RBFOX3: variants seen among roughly 807,000 people sequenced by gnomAD.
The protein encoded by RBFOX3 is RNA binding protein fox-1 homolog 3.
A neutral mutation model predicts 48.7 loss-of-function variants in RBFOX3; 17 were observed. The ratio of observed to expected loss-of-function variants is 0.35; its 90% CI spans 0.24 to 0.52. The LOEUF is 0.52. Ranked by LOEUF, RBFOX3 falls within the 20% of genes least tolerant of loss-of-function variation. The pLI is 0.94. For missense variants in RBFOX3, 382 were observed against 497.5 expected, an observed-to-expected ratio of 0.77 and a Z score of 2.21; for synonymous variants, 212 against 209.5, an observed-to-expected ratio of 1.01 and a Z score of -0.10.
chr17:79,540,883 C>G (rs902543608), intron 1 of RBFOX3, among the ~76,000 whole-genome samples: 1 of 152,204 alleles, frequency 6.6e-6, no homozygotes, highest in Non-Finnish European at 1.5e-5. Context: ...CCGGACACTT[C>G]AGAGCATCTC....
chr17:79,235,728 CA>C (rs2147884805), intron 4 of RBFOX3, 37 bp downstream of exon 4: 1 of 153,854 alleles, frequency 6.5e-6, no homozygotes, highest in African/African-American at 2.4e-5. Context: ...TCATATCTGT[CA>C]AAAACTATTC....
chr17:79,107,438 T>C (rs2077594546), intron 5 of RBFOX3, among the ~76,000 whole-genome samples: 1 of 152,166 alleles, frequency 6.6e-6, no homozygotes, highest in African/African-American at 2.4e-5. Context: ...TCCCAAAGAC[T>C]TGGGTCTCAG....
chr17:79,503,018 A>G (rs1403062874), intron 1 of RBFOX3, among the ~76,000 whole-genome samples: 1 of 152,192 alleles, frequency 6.6e-6, no homozygotes, highest in African/African-American at 2.4e-5. Context: ...GGAGTCCGAG[A>G]TCAGGGAGCA....
chr17:79,202,314 T>A (rs1017261683), intron 4 of RBFOX3, among the ~76,000 whole-genome samples: 2 of 152,078 alleles, frequency 1.3e-5, no homozygotes, highest in African/African-American at 4.8e-5. Context: ...CCTGGGTAAC[T>A]CTGGGGCTGT....
chr17:79,406,709 A>G (rs1261006748), intron 2 of RBFOX3, among the ~76,000 whole-genome samples: 1 of 152,206 alleles, frequency 6.6e-6, no homozygotes, highest in Non-Finnish European at 1.5e-5. Flanking sequence ...AATTGGCTCC[A>G]GCAGTTGATA....
At chr17:79,152,018 T>G (rs73397976) in intron 4 of RBFOX3, among the ~76,000 whole-genome samples, 59,317 of 95,904 alleles carry the variant, frequency 0.62, 21,644 homozygotes, top group Non-Finnish European at 0.67. Flanking sequence ...GGGAGAACGC[T>G]AAGAAATGGG....
At chr17:79,177,886 C>T (rs998266456) in intron 4 of RBFOX3, among the ~76,000 whole-genome samples, 5 of 152,222 alleles carry the variant, frequency 3.3e-5, no homozygotes, top group African/African-American at 7.2e-5. Context: ...TCCCTGGCCC[C>T]GGCCCTCTCC....
chr17:79,622,586 G>A, the RBFOX3 span, among the ~76,000 whole-genome samples: 8 of 152,130 alleles, frequency 5.3e-5, no homozygotes, highest in Non-Finnish European at 1.0e-4. Flanking sequence ...GGCTTCCTTC[G>A]GAGGCCTCTC....
chr17:79,477,199 C>T lies in RBFOX3; in HGVS notation c.-175+5255G>A, dbSNP rs1598863329. 1.4e-5 allele frequency among the ~76,000 whole-genome samples: 2 copies of T among 146,262 alleles called. No homozygotes were observed. Among genetic ancestry groups the T allele is most frequent in the African/African-American group, 5.1e-5 (2 of 39,234 alleles). ...AGTGAGCTGAGATCGCGCCACTGCACTCCAGCCTGGGTGAAAGAGCAAGGC... is the reference window on the plus strand; with the variant it reads ...AGTGAGCTGAGATCGCGCCACTGCATTCCAGCCTGGGTGAAAGAGCAAGGC... On this transcript the variant is annotated intron_variant, in intron 2 of 14. Transcript: ENST00000693108. This position sits in a 1 kb window ranked among gnomAD's most constrained non-coding sequence, Gnocchi z 4.8.
At chr17:79,162,561 G>A (rs1008189703) in intron 4 of RBFOX3, among the ~76,000 whole-genome samples, 1 of 152,252 alleles carries the variant, frequency 6.6e-6, no homozygotes, top group Non-Finnish European at 1.5e-5. Flanking sequence ...GAGAAAATGA[G>A]ATTTTAGTAA....
intron 9 of RBFOX3, 173 bp from the exon 10 acceptor site, chr17:79,097,918 C>T (rs2075696918): frequency 1.5e-6 from 1 of 655,202 alleles, no homozygotes; most frequent in Non-Finnish European, 2.8e-6. Flanking sequence ...GAGTTCAAAA[C>T]ACCAGGGTCT....
chr17:79,592,136 T>C (rs1444358869), intron 1 of RBFOX3, among the ~76,000 whole-genome samples: 10 of 146,804 alleles, frequency 6.8e-5, no homozygotes, highest in Non-Finnish European at 1.5e-4. Flanking sequence ...TGAAGTATTG[T>C]CGTGTGTGCA....
chr17:79,198,602 C>G lies in RBFOX3; in HGVS notation c.-34+37164G>C, dbSNP rs2056167748. Among the ~76,000 whole-genome samples, 1 of 149,048 alleles carries G rather than the reference C, an allele frequency of 6.7e-6. No homozygotes were observed. The highest frequency in any genetic ancestry group is 6.8e-5 in the Admixed American group (1 of 14,644). Reference sequence around the variant, plus strand: ...ATAGGACTTTTAGAGATGTGAGAAGCCTCCCTGCTTTTGAACTTTCTCTCT... The same window carrying G: ...ATAGGACTTTTAGAGATGTGAGAAGGCTCCCTGCTTTTGAACTTTCTCTCT... On this transcript the variant is annotated intron_variant, in intron 4 of 14. Coordinates refer to ENST00000693108, the MANE Select transcript of RBFOX3 (RefSeq NM_001350451.2). The surrounding 1 kb of genome is among the most constrained non-coding windows in gnomAD (Gnocchi z 8.2).
At chr17:79,429,163 G>A (rs1463546563) in intron 2 of RBFOX3, among the ~76,000 whole-genome samples, 3 of 152,240 alleles carry the variant, frequency 2.0e-5, no homozygotes, top group Non-Finnish European at 4.4e-5. Flanking sequence ...ACACACGGCC[G>A]TGGAGCATGC....
At chr17:79,176,771 G>A (rs1474165165) in intron 4 of RBFOX3, among the ~76,000 whole-genome samples, 2 of 152,124 alleles carry the variant, frequency 1.3e-5, no homozygotes, top group Non-Finnish European at 2.9e-5. Context: ...AAAAATGACC[G>A]TGGCAGAGAG....
rs2062699173 is a variant in RBFOX3 at position 79,243,481 on chromosome 17, G to C, written c.-73-7676C>G. ...GGCTTTGCAAAGCCCATGTGCCTTT[G>C]CCCTGGGGTGTCATTTGGGACTGTG... On this transcript the variant is annotated intron_variant, in intron 3 of 14. Coordinates refer to ENST00000693108, the MANE Select transcript of RBFOX3 (RefSeq NM_001350451.2). The surrounding 1 kb of genome is among the most constrained non-coding windows in gnomAD (Gnocchi z 7.9). Among the ~76,000 whole-genome samples, 1 of 152,120 alleles carries C rather than the reference G, an allele frequency of 6.6e-6. No homozygotes were observed. The highest frequency in any genetic ancestry group is 1.5e-5 in the Non-Finnish European group (1 of 68,022).
chr17:79,509,502 G>C (rs1236910354), intron 1 of RBFOX3, among the ~76,000 whole-genome samples: 1 of 152,022 alleles, frequency 6.6e-6, no homozygotes, highest in Admixed American at 6.5e-5. Context: ...GGCCGACGGA[G>C]TCTGAGTCCA....
the RBFOX3 span, among the ~76,000 whole-genome samples, chr17:79,650,249 A>G: frequency 6.6e-6 from 1 of 152,144 alleles, no homozygotes; most frequent in Non-Finnish European, 1.5e-5. Flanking sequence ...CCCAAAACAG[A>G]TAAGAAGCAG....
At chr17:79,472,061 A>ACG (rs782087267) in intron 2 of RBFOX3, among the ~76,000 whole-genome samples, 11 of 152,154 alleles carry the variant, frequency 7.2e-5, no homozygotes, top group Non-Finnish European at 2.9e-5. Context: ...ACAGATGACG[A>ACG]CGACCGCCCA....
Sources: allele counts gnomAD v4.1 joint callset (sites outside exome capture counted in the v4.1 genomes callset), GRCh38; gene constraint gnomAD v4.1.1; non-coding constraint Gnocchi (gnomAD v3.1); transcripts MANE v1.5; gene names NCBI Gene and HGNC (gene_info 2026-07-23, HGNC 2026-07-21).